APC2: variants seen among roughly 807,000 people sequenced by gnomAD.
APC2 encodes the protein adenomatous polyposis coli protein 2.
A neutral mutation model predicts 72.5 loss-of-function variants in APC2; 41 were observed. The ratio of observed to expected loss-of-function variants is 0.57; its 90% CI spans 0.44 to 0.73. The LOEUF is 0.73. APC2 is among the 30% of genes least tolerant of loss of function. The pLI, the probability that APC2 is intolerant of heterozygous loss-of-function variation, is 0.00. For synonymous variants in APC2, 1,898 were observed against 1,612.0 expected (o/e 1.18, Z -4.25); for missense variants, 3,729 against 3,403.4 (o/e 1.10, Z -2.38).
chr19:1,468,226 C>A lies in APC2; in HGVS notation c.4925C>A (p.Pro1642His). 6.8e-7 allele frequency: 1 copy of A among 1,481,232 alleles called. No individual in the cohort carries two copies. The highest frequency in any genetic ancestry group is 2.7e-5 in the East Asian group (1 of 37,132). The allele number at this position is 1,481,232 out of a possible 1,614,324, so 91.8% of individuals were successfully genotyped here. A position where few individuals can be genotyped will look rare whatever the true frequency, so the allele number is the denominator to read the frequency against. ...CISSALPRRR[P>H]PVSGLRRRKP... Reference sequence around the variant, plus strand: ...AGCTCGGCCCTGCCCAGGCGCCGGCCCCCCGTGTCTGGCCTGCGGCGCCGC... The same window carrying A: ...AGCTCGGCCCTGCCCAGGCGCCGGCACCCCGTGTCTGGCCTGCGGCGCCGC... Residue 1642 changes from proline to histidine, a missense_variant, in exon 15 of 15, where the codon CCC (proline) becomes CAC (histidine). Physicochemically the swap from Pro to His is moderately conservative, Grantham distance 77. Coordinates refer to ENST00000590469, the MANE Select transcript of APC2 (RefSeq NM_005883.3).
chr19:1,452,240 A>G lies in APC2; in HGVS notation c.-18-744A>G, dbSNP rs8104322. On this transcript the variant is annotated intron_variant, in intron 1 of 14. Coordinates refer to ENST00000590469, the MANE Select transcript of APC2 (RefSeq NM_005883.3). The surrounding 1 kb of genome is among the most constrained non-coding windows in gnomAD (Gnocchi z 5.1). ...GGCACAAAGAAGCCAGCGCGCTGGC[A>G]GAGTCAAGGGATGGGGCAGGGGCTG... The G allele has an allele frequency of 0.1, 15,280 of 153,138 alleles. 1,429 individuals carry two copies. The highest frequency in any genetic ancestry group is 0.25 in the African/African-American group (10,513 of 41,462). The allele number at this position is 153,138 out of a possible 1,614,324, so 9.5% of individuals were successfully genotyped here.
Position 1,466,718 on chromosome 19 carries a change from G to A in APC2, c.3417G>A (p.Val1139=), listed in dbSNP as rs1408930163. 4 of 1,534,680 alleles carry A rather than the reference G, an allele frequency of 2.6e-6. No individual in the cohort carries two copies. The highest frequency in any genetic ancestry group is 2.4e-5 in the East Asian group (1 of 40,968). The change falls in exon 15 of 15, where the codon GTG becomes GTA. Residue 1139 remains valine (V), a synonymous_variant. Coordinates refer to ENST00000590469, the MANE Select transcript of APC2 (RefSeq NM_005883.3). ...GTAACCGAGGCCGGGGCCTGGGGGTGGAAGACGCCACGCCGTCCAGCTCGT... is the reference window on the plus strand; with the variant it reads ...GTAACCGAGGCCGGGGCCTGGGGGTAGAAGACGCCACGCCGTCCAGCTCGT... The part of the protein sequence containing the change: ...PRRNRGRGLG[V]EDATPSSSSE...
At position 1,468,685 on chromosome 19, in the gene APC2, A is replaced by C. The variant is rs1453701751; in HGVS notation, c.5384A>C (p.Tyr1795Ser). Residue 1795 changes from tyrosine (Y) to serine (S), a missense_variant, in exon 15 of 15, where the codon TAC (tyrosine) becomes TCC (serine). Coordinates refer to ENST00000590469, the MANE Select transcript of APC2 (RefSeq NM_005883.3). ...PAVLRGRTVIYVPSPAPRAQP... is the reference protein window; with the variant it reads ...PAVLRGRTVISVPSPAPRAQP... ...GTGCTCCGGGGACGAACAGTGATCTACGTCCCCAGCCCGGCACCCCGTGCC... is the reference window on the plus strand; with the variant it reads ...GTGCTCCGGGGACGAACAGTGATCTCCGTCCCCAGCCCGGCACCCCGTGCC... 3 of 1,561,748 alleles carry C rather than the reference A, an allele frequency of 1.9e-6. No individual in the cohort carries two copies. The highest frequency in any genetic ancestry group is 2.6e-6 in the Non-Finnish European group (3 of 1,149,162).
In APC2 at chr19:1,469,812, G is replaced by A; in HGVS notation, c.6511G>A (p.Gly2171Ser). 5.3e-6 allele frequency: 8 copies of A among 1,520,762 alleles called. No individual in the cohort carries two copies. In the South Asian group the frequency reaches 8.4e-5, roughly 16 times the overall value. 94.2% of individuals were successfully genotyped at this position (1,520,762 alleles called of 1,614,324 possible). ...TCCCGCCACGGCCCTGCCACTGCGG[G>A]GCTCCACGCCCGAGGACGCCCCGGC... ...TLPATALPLR[G>S]STPEDAPAGP... The change falls in exon 15 of 15, where the codon GGC (glycine) becomes AGC (serine). Residue 2171 changes from glycine (G) to serine (S), a missense_variant. By Grantham distance (56) the Gly-to-Ser change is moderately conservative (BLOSUM62 0). Coordinates refer to ENST00000590469, the MANE Select transcript of APC2 (RefSeq NM_005883.3).
rs1474573445 is a variant in APC2 at position 1,468,742 on chromosome 19, C to T, written c.5441C>T (p.Thr1814Ile). ...AAAGGGACCCCCGGCCCCCGCGCCA[C>T]ACCGCGGAAGGTGGCGCCCCCTTGC... is the stretch of plus-strand genomic sequence containing the variant. ...QPKGTPGPRATPRKVAPPCLA... is the reference protein window; with the variant it reads ...QPKGTPGPRAIPRKVAPPCLA... The change falls in exon 15 of 15, where the codon ACA becomes ATA. Residue 1814 changes from threonine to isoleucine, a missense_variant. Physicochemically the swap from Thr to Ile is moderately conservative, Grantham distance 89. Coordinates refer to ENST00000590469, the MANE Select transcript of APC2 (RefSeq NM_005883.3). The T allele has an allele frequency of 2.0e-6, 3 of 1,501,066 alleles. No homozygotes were observed. Among genetic ancestry groups the T allele is most frequent in the Non-Finnish European group, 2.7e-6 (3 of 1,122,326 alleles). The allele number at this position is 1,501,066 out of a possible 1,614,324, so 93.0% of individuals were successfully genotyped here. A position where few individuals can be genotyped will look rare whatever the true frequency, so the allele number is the denominator to read the frequency against.
chr19:1,465,746 G>C lies in APC2; in HGVS notation c.2445G>C (p.Ala815=). 6.5e-7 allele frequency: 1 copy of C among 1,539,342 alleles called. No homozygotes were observed. The highest frequency in any genetic ancestry group is 8.7e-7 in the Non-Finnish European group (1 of 1,145,008). Reference sequence around the variant, plus strand: ...GCAGCCCCTTCCTGCAGGGGCAGGCGCTGGCTCGCACCCCGCCCACCCGCC... The same window carrying C: ...GCAGCCCCTTCCTGCAGGGGCAGGCCCTGGCTCGCACCCCGCCCACCCGCC... ...FLGSPFLQGQ[A]LARTPPTRRG... is the part of the protein sequence containing the mutation. The change falls in exon 15 of 15, where the codon GCG becomes GCC. Residue 815 remains alanine, a synonymous_variant. Coordinates refer to ENST00000590469, the MANE Select transcript of APC2 (RefSeq NM_005883.3).
chr19:1,460,222 G>A lies in APC2; in HGVS notation c.1345G>A (p.Glu449Lys). ...GGCAGAGCTGCTGCAGGTTGACTAT[G>A]AGATGCACAAGATGACCCGGGACCC... ...AVAELLQVDYEMHKMTRDPLN... is the reference protein window; with the variant it reads ...AVAELLQVDYKMHKMTRDPLN... The change falls in exon 11 of 15, where the codon GAG becomes AAG. Residue 449 changes from glutamate to lysine, a missense_variant. Physicochemically the swap from Glu to Lys is moderately conservative, Grantham distance 56. Coordinates refer to ENST00000590469, the MANE Select transcript of APC2 (RefSeq NM_005883.3). 6.2e-7 allele frequency: 1 copy of A among 1,613,572 alleles called. No individual in the cohort carries two copies.
chr19:1,458,217 A>T, intron 10 of APC2, 157 bp downstream of exon 10: 1 of 675,316 alleles, frequency 1.5e-6, no homozygotes, highest in Non-Finnish European at 2.6e-6. Flanking sequence ...AGCACCTCTC[A>T]TGAGTGGACC....
In APC2 at chr19:1,453,519, C is replaced by T. The variant is rs1176806519; in HGVS notation, c.321C>T (p.Gly107=). 5 of 1,610,730 alleles carry T rather than the reference C, an allele frequency of 3.1e-6. No homozygotes were observed. In the African/African-American group the frequency reaches 4.0e-5, roughly 13 times the overall value. Residue 107 remains glycine, a synonymous_variant, in exon 4 of 15, where the codon GGC becomes GGT. Coordinates refer to ENST00000590469, the MANE Select transcript of APC2 (RefSeq NM_005883.3). ...AGCCTGCCGCCCGGACCCCCGAGGG[C>T]AGCCCAGTACACGGCTCCGGGCCCT... ...GPEPAARTPE[G]SPVHGSGPSK...
chr19:1,468,475 C>T lies in APC2; in HGVS notation c.5174C>T (p.Ser1725Leu). The change falls in exon 15 of 15, where the codon TCA becomes TTA. Residue 1725 changes from serine to leucine, a missense_variant. Coordinates refer to ENST00000590469, the MANE Select transcript of APC2 (RefSeq NM_005883.3). ...DSILSFVSGL[S>L]VGSTLQPPKH... ...ATCCTGTCCTTCGTATCCGGGCTGT[C>T]AGTGGGATCCACCCTACAGCCCCCC... 3.1e-6 allele frequency: 5 copies of T among 1,603,214 alleles called. No individual in the cohort carries two copies. Among genetic ancestry groups the T allele is most frequent in the Non-Finnish European group, 3.4e-6 (4 of 1,176,528 alleles).
rs758836971 is a variant in APC2 at position 1,467,192 on chromosome 19, G to A, written c.3891G>A (p.Leu1297=). The change falls in exon 15 of 15, where the codon CTG becomes CTA. Residue 1297 remains leucine, a synonymous_variant. Transcript: ENST00000590469. ...YVQQDVELRL[L]PSACPERGGG... is the part of the protein sequence containing the mutation. ...AGCAGGACGTGGAGCTGCGGCTGCT[G>A]CCCTCGGCCTGCCCCGAGCGCGGCG... 2.7e-5 allele frequency: 41 copies of A among 1,505,254 alleles called. No homozygotes were observed. The Admixed American group carries it at 8.3e-4, about 31-fold the overall frequency. 93.2% of individuals were successfully genotyped at this position (1,505,254 alleles called of 1,614,324 possible). A position where few individuals can be genotyped will look rare whatever the true frequency, so the allele number is the denominator to read the frequency against.
rs1004951978 is a variant in APC2, at chr19:1,466,557, G to A, written c.3256G>A (p.Glu1086Lys). The change falls in exon 15 of 15, where the codon GAG (glutamate) becomes AAG (lysine). Residue 1086 changes from glutamate (E) to lysine (K), a missense_variant. By Grantham distance (56) the Glu-to-Lys change is moderately conservative. Coordinates refer to ENST00000590469, the MANE Select transcript of APC2 (RefSeq NM_005883.3). Reference sequence around the variant, plus strand: ...CTCGGCCGGCCGCCCAGGCCCCAGCGAGGGTGGTGACCTGGATGACAGTGA... The same window carrying A: ...CTCGGCCGGCCGCCCAGGCCCCAGCAAGGGTGGTGACCTGGATGACAGTGA... Reference protein sequence around the residue: ...LSSAGRPGPSEGGDLDDSDSS... With the variant: ...LSSAGRPGPSKGGDLDDSDSS... 3 of 1,581,802 alleles carry A rather than the reference G, an allele frequency of 1.9e-6. No individual in the cohort carries two copies. Among genetic ancestry groups the A allele is most frequent in the Non-Finnish European group, 1.7e-6 (2 of 1,171,868 alleles).
At position 1,468,960 on chromosome 19, in the gene APC2, C is replaced by T. The variant is rs2084079962; in HGVS notation, c.5659C>T (p.Pro1887Ser). 2 of 1,556,280 alleles carry T rather than the reference C, an allele frequency of 1.3e-6. No homozygotes were observed. The highest frequency in any genetic ancestry group is 1.7e-6 in the Non-Finnish European group (2 of 1,157,690). ...GACCTCGCCCGCCTCCCAGCCCCTG[C>T]CCAGAAAGCGCCCCCCGGTCACCCA... ...SQTSPASQPL[P>S]RKRPPVTQAA... The change falls in exon 15 of 15, where the codon CCC becomes TCC. Residue 1887 changes from proline (P) to serine (S), a missense_variant. By Grantham distance (74) the Pro-to-Ser change is moderately conservative. Transcript: ENST00000590469.
rs1230638647 is a variant in APC2 at position 1,460,312 on chromosome 19, G to C, written c.1435G>C (p.Ala479Pro). The C allele has an allele frequency of 6.2e-7, 1 of 1,613,334 alleles. No individual in the cohort carries two copies. The highest frequency in any genetic ancestry group is 8.5e-7 in the Non-Finnish European group (1 of 1,180,012). The stretch of plus-strand genomic sequence containing the variant: ...CACCAACCTCACCTTTGGGGACGTT[G>C]CCAACAAGGTGCCCGGGGGCAGTGG... ...TLTNLTFGDV[A>P]NKATLCARRG... Residue 479 changes from alanine (A) to proline (P), a missense_variant, in exon 11 of 15, where the codon GCC becomes CCC. Coordinates refer to ENST00000590469, the MANE Select transcript of APC2 (RefSeq NM_005883.3).
chr19:1,467,332 G>A lies in APC2; in HGVS notation c.4031G>A (p.Arg1344Gln), dbSNP rs920741191. Residue 1344 changes from arginine (R) to glutamine (Q), a missense_variant, in exon 15 of 15, where the codon CGG (arginine) becomes CAG (glutamine). Transcript: ENST00000590469. The part of the protein sequence containing the change: ...GAADQELELL[R>Q]ECLGAAVPAR... ...GCGGACCAGGAGCTGGAACTGCTGC[G>A]GGAGTGCCTGGGAGCCGCCGTGCCT... 44 of 1,421,486 alleles carry A rather than the reference G, an allele frequency of 3.1e-5. No individual in the cohort carries two copies. Among genetic ancestry groups the A allele is most frequent in the Non-Finnish European group, 3.7e-5 (40 of 1,091,594 alleles). The allele number at this position is 1,421,486 out of a possible 1,614,324, so 88.1% of individuals were successfully genotyped here.
In APC2 at chr19:1,469,259, C is replaced by T. The variant is rs1390355281; in HGVS notation, c.5958C>T (p.Ser1986=). The change falls in exon 15 of 15, where the codon TCC becomes TCT. Residue 1986 remains serine, a synonymous_variant. Transcript: ENST00000590469. The part of the protein sequence containing the change: ...ASALSSGSES[S]DRSGFRRQLT... ...CCCTCTCCAGCGGCAGCGAGTCCTC[C>T]GACCGCTCGGGCTTCCGGCGACAGC... 10 of 1,427,182 alleles carry T rather than the reference C, an allele frequency of 7.0e-6. No individual in the cohort carries two copies. Among genetic ancestry groups the T allele is most frequent in the Non-Finnish European group, 9.2e-6 (10 of 1,088,632 alleles). 88.4% of individuals were successfully genotyped at this position (1,427,182 alleles called of 1,614,324 possible). A position where few individuals can be genotyped will look rare whatever the true frequency, so the allele number is the denominator to read the frequency against.
upstream of APC2, among the ~76,000 whole-genome samples, chr19:1,446,864 C>T (rs1418616170): frequency 6.6e-6 from 1 of 152,244 alleles, no homozygotes; most frequent in Non-Finnish European, 1.5e-5. The surrounding 1 kb of genome is among the most constrained non-coding windows in gnomAD (Gnocchi z 6.1). Flanking sequence ...CTTCTCCAGC[C>T]TCCGGAATCG....
intron 6 of APC2, 48 bp from the exon 7 acceptor site, chr19:1,456,028 C>A: frequency 6.8e-7 from 1 of 1,474,672 alleles, no homozygotes; most frequent in East Asian, 2.6e-5. Context: ...GGGTCAGAGC[C>A]GGGGGCGGGG....
intron 4 of APC2, 81 bp from the exon 5 acceptor site, chr19:1,455,068 C>A: frequency 1.2e-6 from 1 of 864,278 alleles, no homozygotes; most frequent in Non-Finnish European, 1.7e-6. Context: ...ATACAGTAAG[C>A]GCTAACAAGT....
Sources: allele counts gnomAD v4.1 joint callset (sites outside exome capture counted in the v4.1 genomes callset), GRCh38; gene constraint gnomAD v4.1.1; non-coding constraint Gnocchi (gnomAD v3.1); transcripts MANE v1.5; gene names NCBI Gene and HGNC (gene_info 2026-07-23, HGNC 2026-07-21).